Variants in SEC14L1 observed in about 807,000 individuals in gnomAD.
SEC14L1 encodes the protein SEC14-like protein 1.
In SEC14L1, 48 loss-of-function variants were observed where a neutral mutation model predicts 85.3. The observed-to-expected ratio is 0.56, with a 90% CI of 0.45 to 0.72. SEC14L1 has a LOEUF of 0.72. Among genes scored for constraint, SEC14L1 ranks in the 30% least tolerant of loss-of-function variants. SEC14L1 has a pLI of 0.00. For missense variants in SEC14L1, 682 were observed against 921.4 expected (o/e 0.74, Z 3.36); for synonymous variants, 391 against 355.5 (o/e 1.10, Z -1.12).
chr17:77,143,969 G>A (rs1251567416), intron 3 of SEC14L1: 3 of 262,840 alleles, frequency 1.1e-5, no homozygotes, highest in South Asian at 9.6e-5. Context: ...TTTTTCCTTC[G>A]TTAGAGTAGC....
At chr17:77,205,933 A>C (rs746340909) in intron 11 of SEC14L1, among the ~76,000 whole-genome samples, 1 of 152,070 alleles carries the variant, frequency 6.6e-6, no homozygotes, top group African/African-American at 2.4e-5. Flanking sequence ...CACGTCGAGG[A>C]CAGCACACTG....
chr17:77,142,850 G>C (rs941544856), intron 2 of SEC14L1, 100 bp downstream of exon 2: 2 of 152,230 alleles, frequency 1.3e-5, no homozygotes, highest in South Asian at 2.1e-4. Flanking sequence ...GCTGGCGCTA[G>C]AGAATGATTA....
chr17:77,171,864 A>G (rs1974536615), intron 3 of SEC14L1, among the ~76,000 whole-genome samples: 1 of 152,102 alleles, frequency 6.6e-6, no homozygotes, highest in South Asian at 2.1e-4. Context: ...TTTTGACCAT[A>G]CATCTGGATG....
chr17:77,198,853 T>C (rs1478127789), intron 8 of SEC14L1: 1 of 152,366 alleles, frequency 6.6e-6, no homozygotes, highest in Non-Finnish European at 1.5e-5. Flanking sequence ...ATTACAGGCG[T>C]GAGCCACCGC....
intron 3 of SEC14L1, among the ~76,000 whole-genome samples, chr17:77,157,584 G>A (rs942047551): frequency 2.6e-5 from 4 of 151,716 alleles, no homozygotes; most frequent in Non-Finnish European, 5.9e-5. Flanking sequence ...CTGGAGTGCA[G>A]TGGCATGATC....
At chr17:77,189,105 C>T (rs1041485468) in intron 3 of SEC14L1, among the ~76,000 whole-genome samples, 1 of 151,748 alleles carries the variant, frequency 6.6e-6, no homozygotes, top group African/African-American at 2.4e-5. Context: ...GTGTATGGAT[C>T]TTAATTGGCT....
intron 2 of SEC14L1, chr17:77,089,453 T>C (rs1412280648): frequency 7.7e-6 from 4 of 518,992 alleles, no homozygotes; most frequent in South Asian, 5.6e-5. Flanking sequence ...GTGAGCATTC[T>C]AGCAGCAGTT....
chr17:77,156,754 C>T (rs997611104), intron 3 of SEC14L1, among the ~76,000 whole-genome samples: 2 of 151,882 alleles, frequency 1.3e-5, no homozygotes, highest in African/African-American at 4.8e-5. Flanking sequence ...GTTTGGTCGG[C>T]TGTATTTACT....
At position 77,206,214 on chromosome 17, in the gene SEC14L1, C is replaced by A. The variant is rs1434108196; in HGVS notation, c.1170-15C>A. ...GCTGTCTGTTGAATGAAACACATCT[C>A]TGCACAACCTGCAGCTCATGGACCT... On this transcript the variant is annotated splice_polypyrimidine_tract_variant and intron_variant, in intron 11 of 16. Transcript: ENST00000436233. This position sits in a 1 kb window ranked among gnomAD's most constrained non-coding sequence, Gnocchi z 4.3. 10 of 1,612,290 alleles carry A rather than the reference C, an allele frequency of 6.2e-6. No homozygotes were observed. Among genetic ancestry groups the A allele is most frequent in the Non-Finnish European group, 8.5e-6 (10 of 1,178,556 alleles).
chr17:77,139,160 ATTT>A (rs749541191), upstream of SEC14L1, among the ~76,000 whole-genome samples: 22,982 of 119,882 alleles, frequency 0.19, 1,823 homozygotes, highest in South Asian at 0.29. Context: ...GGTCAGGTGA[ATTT>A]TTTTTTTTTT....
rs1460414789 is a variant in SEC14L1, at chr17:77,191,282, G to A, written c.315G>A (p.Arg105=). The change falls in exon 5 of 17, where the codon CGG becomes CGA. Residue 105 remains arginine (R), a synonymous_variant. Transcript: ENST00000436233. The part of the protein sequence containing the change: ...IEAYNETFSN[R]VIINEHCCYT... ...CTTATAATGAAACGTTTTCCAATCG[G>A]GTCATCATTAATGAGCATTGCTGCT... 1 of 1,613,962 alleles carries A rather than the reference G, an allele frequency of 6.2e-7. No individual in the cohort carries two copies. Among genetic ancestry groups the A allele is most frequent in the Non-Finnish European group, 8.5e-7 (1 of 1,180,004 alleles).
In SEC14L1 at chr17:77,206,396, C is replaced by T. The variant is rs1976464166; in HGVS notation, c.1337C>T (p.Thr446Met). ...RAPRVFPVLW[T>M]LVSPFIDDNT... ...CCCAGGGTATTTCCTGTGCTCTGGA[C>T]GCTGGTGGGTTGAGATGCTTTTTGC... The change falls in exon 12 of 17, where the codon ACG becomes ATG. Residue 446 changes from threonine to methionine, a missense_variant. Around this residue, in one of 3 missense-constraint regions of SEC14L1, gnomAD observed 420 missense variants for 619.5 expected, o/e 0.68. Coordinates refer to ENST00000436233, the MANE Select transcript of SEC14L1 (RefSeq NM_001143998.2). This position sits in a 1 kb window ranked among gnomAD's most constrained non-coding sequence, Gnocchi z 4.3. 1.9e-5 allele frequency: 30 copies of T among 1,613,312 alleles called. No homozygotes were observed. The highest frequency in any genetic ancestry group is 2.3e-5 in the Non-Finnish European group (27 of 1,179,538).
chr17:77,091,602 T>C (rs1315196649), intron 2 of SEC14L1, among the ~76,000 whole-genome samples: 1 of 152,146 alleles, frequency 6.6e-6, no homozygotes, highest in Non-Finnish European at 1.5e-5. Flanking sequence ...ATTTTAACTG[T>C]AAATAGTCAC....
At position 77,213,546 on chromosome 17, in the gene SEC14L1, G is replaced by A. The variant is rs746673269; in HGVS notation, c.2042+54G>A. On this transcript the variant is annotated intron_variant, in intron 16 of 16. Coordinates refer to ENST00000436233, the MANE Select transcript of SEC14L1 (RefSeq NM_001143998.2). The surrounding 1 kb of genome is among the most constrained non-coding windows in gnomAD (Gnocchi z 7.1). ...TGCGGACAGCTGGGCATGGTTGGAG[G>A]GAGCCTGCAGTCCCACGCCGTGTGC... 8 of 1,588,404 alleles carry A rather than the reference G, an allele frequency of 5.0e-6. No homozygotes were observed. The African/African-American group carries it at 9.4e-5, about 19-fold the overall frequency.
At chr17:77,118,450 AG>A (rs1972226682) in intron 3 of SEC14L1, among the ~76,000 whole-genome samples, 1 of 152,232 alleles carries the variant, frequency 6.6e-6, no homozygotes, top group African/African-American at 2.4e-5. Context: ...AGGATGGAAA[AG>A]GGAACAAAGG....
In SEC14L1 at chr17:77,191,162, C is replaced by T; in HGVS notation, c.214-19C>T. 3 of 1,605,674 alleles carry T rather than the reference C, an allele frequency of 1.9e-6. No homozygotes were observed. Among genetic ancestry groups the T allele is most frequent in the Non-Finnish European group, 2.6e-6 (3 of 1,173,660 alleles). On this transcript the variant is annotated intron_variant, in intron 4 of 16. Coordinates refer to ENST00000436233, the MANE Select transcript of SEC14L1 (RefSeq NM_001143998.2). The stretch of plus-strand genomic sequence containing the variant: ...GGTTGTTATTAATAAACCCATTTCT[C>T]TTTCTTTTTTTTTTGAAGATTGCAG...
Position 77,188,683 on chromosome 17 carries a change from A to G in SEC14L1, c.64-2120A>G, listed in dbSNP as rs79869650. ...CCCAGGAGTGCATTTGTTGGGTTGT[A>G]TACCGTTGCATGTTTAGGTTTTAAG... On this transcript the variant is annotated intron_variant, in intron 3 of 16. Transcript: ENST00000436233. Among the ~76,000 whole-genome samples the G allele has an allele frequency of 2.9e-3, 434 of 152,226 alleles. 2 individuals carry two copies. The highest frequency in any genetic ancestry group is 9.8e-3 in the African/African-American group (406 of 41,536).
upstream of SEC14L1, among the ~76,000 whole-genome samples, chr17:77,140,277 C>CAAGTTTCAAGTTTCA (rs1303725294): frequency 1.2e-4 from 18 of 152,338 alleles, no homozygotes; most frequent in African/African-American, 4.1e-4. Context: ...GCGCGCGTCT[C>CAAGTTTCAAGTTTCA]AGTTTCAAGC....
intron 3 of SEC14L1, among the ~76,000 whole-genome samples, chr17:77,124,360 T>C (rs1299832644): frequency 6.6e-6 from 1 of 152,132 alleles, no homozygotes; most frequent in Non-Finnish European, 1.5e-5. Flanking sequence ...CAAGATTCCG[T>C]CTCAAAACAA....
Sources: allele counts gnomAD v4.1 joint callset (sites outside exome capture counted in the v4.1 genomes callset), GRCh38; gene constraint gnomAD v4.1.1; regional missense constraint gnomAD v4.1.1; non-coding constraint Gnocchi (gnomAD v3.1); transcripts MANE v1.5; gene names NCBI Gene and HGNC (gene_info 2026-07-23, HGNC 2026-07-21).